The following MYH13 variants were observed in gnomAD, a reference collection of about 807,000 sequenced individuals.
MYH13 encodes myosin heavy chain 13.
Under a neutral mutation model 232.1 loss-of-function variants are expected in MYH13, and 177 were observed. The observed-to-expected ratio is 0.76, with a 90% CI of 0.67 to 0.86. MYH13 has a LOEUF of 0.86. Ranked by LOEUF, MYH13 falls within the 40% of genes least tolerant of loss-of-function variation. MYH13 has a pLI of 0.00. For synonymous variants in MYH13, 884 were observed against 923.5 expected (o/e 0.96, Z 0.78); for missense variants, 2,246 against 2,405.9 (o/e 0.93, Z 1.39).
chr17:10,315,521 C>T (rs1465839192), intron 29 of MYH13, among the ~76,000 whole-genome samples, 172 bp downstream of exon 29: 3 of 152,160 alleles, frequency 2.0e-5, no homozygotes, highest in Non-Finnish European at 4.4e-5. Context: ...GTCTTGAACT[C>T]CTGATCTCGT....
chr17:10,339,619 G>A (rs1194876120), intron 18 of MYH13, among the ~76,000 whole-genome samples: 3 of 152,146 alleles, frequency 2.0e-5, no homozygotes, highest in Non-Finnish European at 4.4e-5. Context: ...GAAAGCTGTG[G>A]CTCTGATGTG....
chr17:10,323,832 G>GAAGA, intron 23 of MYH13, among the ~76,000 whole-genome samples, 190 bp downstream of exon 23: 1 of 141,310 alleles, frequency 7.1e-6, no homozygotes, highest in South Asian at 2.4e-4. Context: ...AGAAGAAGAA[G>GAAGA]AGTCTATGGG....
chr17:10,361,465 T>G (rs1391790602), intron 5 of MYH13, among the ~76,000 whole-genome samples: 1 of 152,092 alleles, frequency 6.6e-6, no homozygotes, highest in Non-Finnish European at 1.5e-5. Context: ...CTAATTTTTT[T>G]GTATTTTTAC....
In MYH13 at chr17:10,354,975, C is replaced by G. The variant is rs746169067; in HGVS notation, c.821G>C (p.Arg274Thr). The G allele has an allele frequency of 1.9e-6, 3 of 1,610,086 alleles. No homozygotes were observed. The highest frequency in any genetic ancestry group is 2.6e-6 in the Non-Finnish European group (3 of 1,176,392). ...CTCACTGGATAATTGAAACGTCACT[C>G]TGGATTTTTCTAACAGATCTAAGGT... ...DIETYLLEKS[R>T]VTFQLSSERS... The change falls in exon 10 of 41, where the codon AGA becomes ACA. Residue 274 changes from arginine to threonine, a missense_variant. Arg to Thr is a moderately conservative substitution (Grantham distance 71, BLOSUM62 -1). Transcript: ENST00000252172.
At position 10,351,430 on chromosome 17, in the gene MYH13, T is replaced by C. The variant is rs1597387149; in HGVS notation, c.1006-736A>G. On this transcript the variant is annotated intron_variant, in intron 11 of 40. Coordinates refer to ENST00000252172, the MANE Select transcript of MYH13 (RefSeq NM_003802.3). ...AGCATTGTTCAGACTCAAGACAATA[T>C]GCATTATGGAATATTAGATCTGGAA... Among the ~76,000 whole-genome samples, 3 of 152,218 alleles carry C rather than the reference T, an allele frequency of 2.0e-5. No homozygotes were observed. In the East Asian group the frequency reaches 5.8e-4, roughly 29 times the overall value.
At chr17:10,359,858 G>A in intron 7 of MYH13, 102 bp downstream of exon 7, 2 of 1,021,374 alleles carry the variant, frequency 2.0e-6, no homozygotes, top group Non-Finnish European at 3.0e-6. Flanking sequence ...TTTCCTATTT[G>A]CCGTTTCTAC....
In MYH13 at chr17:10,335,114, A is replaced by T. The variant is rs552114650; in HGVS notation, c.2057-1923T>A. On this transcript the variant is annotated intron_variant, in intron 18 of 40. Transcript: ENST00000252172. ...GTAGGTTGAGCATCCCGATTCAGAAAACTCAAAACCTGAAAACTTTTGAGC... is the reference window on the plus strand; with the variant it reads ...GTAGGTTGAGCATCCCGATTCAGAATACTCAAAACCTGAAAACTTTTGAGC... Among the ~76,000 whole-genome samples the T allele has an allele frequency of 5.3e-4, 80 of 152,320 alleles. 1 individual carries two copies. In the South Asian group the frequency reaches 0.016, roughly 30 times the overall value.
rs755306372 is a variant in MYH13, at chr17:10,333,155, C to T, written c.2093G>A (p.Arg698His). ...GATGCCCTCGAGGACCCCGTTACAG[C>T]GCAGCTGGTGCATGACCAAGTAGTG... ...MDHYLVMHQL[R>H]CNGVLEGIRI... is the part of the protein sequence containing the mutation. The change falls in exon 19 of 41, where the codon CGC (arginine) becomes CAC (histidine). Residue 698 changes from arginine (R) to histidine (H), a missense_variant. Arg to His is a conservative substitution (Grantham distance 29). Coordinates refer to ENST00000252172, the MANE Select transcript of MYH13 (RefSeq NM_003802.3). 1.9e-5 allele frequency: 30 copies of T among 1,551,606 alleles called. No homozygotes were observed. The highest frequency in any genetic ancestry group is 2.7e-5 in the African/African-American group (2 of 73,064).
chr17:10,301,490 C>T, intron 40 of MYH13, 79 bp downstream of exon 40: 3 of 1,582,892 alleles, frequency 1.9e-6, no homozygotes, highest in Non-Finnish European at 2.6e-6. Flanking sequence ...CTCCCACACT[C>T]AGGCATTCGC....
chr17:10,354,543 C>A, intron 11 of MYH13, 137 bp downstream of exon 11: 2 of 773,460 alleles, frequency 2.6e-6, no homozygotes, highest in South Asian at 3.7e-5. Context: ...ATTCTCTGAG[C>A]TCTTGATCTC....
chr17:10,304,680 C>T lies in MYH13; in HGVS notation c.5467-1182G>A, dbSNP rs1235516330. 6.6e-6 allele frequency among the ~76,000 whole-genome samples: 1 copy of T among 152,244 alleles called. No homozygotes were observed. The highest frequency in any genetic ancestry group is 1.5e-5 in the Non-Finnish European group (1 of 68,040). ...AGTCGCCACCACTGAGCATGAGTTTCTGTATATTTAGGATGGAGATAATAT... is the reference window on the plus strand; with the variant it reads ...AGTCGCCACCACTGAGCATGAGTTTTTGTATATTTAGGATGGAGATAATAT... On this transcript the variant is annotated intron_variant, in intron 37 of 40. Coordinates refer to ENST00000252172, the MANE Select transcript of MYH13 (RefSeq NM_003802.3). This position sits in a 1 kb window ranked among gnomAD's most constrained non-coding sequence, Gnocchi z 5.3.
chr17:10,354,477 T>G (rs2071733229), intron 11 of MYH13, among the ~76,000 whole-genome samples: 1 of 152,196 alleles, frequency 6.6e-6, no homozygotes, highest in African/African-American at 2.4e-5. Flanking sequence ...CCTTCTGGAT[T>G]TCCATTTTGG....
chr17:10,367,145 G>A (rs1033484965), intron 2 of MYH13, among the ~76,000 whole-genome samples: 91 of 152,272 alleles, frequency 6.0e-4, no homozygotes, highest in Non-Finnish European at 1.1e-3. Context: ...GGTGGATTTC[G>A]CTACAGCAGC....
In MYH13 at chr17:10,340,375, C is replaced by T. The variant is rs368993670; in HGVS notation, c.1921G>A (p.Gly641Arg). 1.2e-5 allele frequency: 19 copies of T among 1,613,706 alleles called. No individual in the cohort carries two copies. Among genetic ancestry groups the T allele is most frequent in the African/African-American group, 4.0e-5 (3 of 74,878 alleles). Residue 641 changes from glycine to arginine, a missense_variant, in exon 17 of 41, where the codon GGG (glycine) becomes AGG (arginine). Coordinates refer to ENST00000252172, the MANE Select transcript of MYH13 (RefSeq NM_003802.3). The stretch of plus-strand genomic sequence containing the variant: ...TGGAAAGAGGAGCCCTTCTTCTTCC[C>T]GCCCTTCTTGCTTCCTCCGGAGTCG... The part of the protein sequence containing the change: ...TGDSGGSKKG[G>R]KKKGSSFQTV...
intron 27 of MYH13, 84 bp from the exon 28 acceptor site, chr17:10,316,109 T>A: frequency 6.8e-7 from 1 of 1,470,548 alleles, no homozygotes; most frequent in Non-Finnish European, 9.2e-7. Context: ...AATCATTTAG[T>A]TTCTTGTCAG....
chr17:10,345,354 G>A lies in MYH13; in HGVS notation c.1432C>T (p.Leu478=), dbSNP rs1411072716. 6.2e-7 allele frequency: 1 copy of A among 1,614,242 alleles called. No individual in the cohort carries two copies. The part of the protein sequence containing the change: ...EIFDFNSLEQ[L]CINFTNEKLQ... ...TTCTCATTGGTGAAGTTGATGCACA[G>A]CTGCTCCAGGCTGTTGAACTGGGTG... The change falls in exon 15 of 41, where the codon CTG becomes TTG. Residue 478 remains leucine (L), a synonymous_variant. Coordinates refer to ENST00000252172, the MANE Select transcript of MYH13 (RefSeq NM_003802.3).
chr17:10,327,676 G>A (rs553414175), intron 22 of MYH13, among the ~76,000 whole-genome samples, 190 bp downstream of exon 22: 9 of 152,110 alleles, frequency 5.9e-5, no homozygotes, highest in East Asian at 3.9e-4. Flanking sequence ...CATAATTTCC[G>A]GCATTCACTG....
chr17:10,336,066 C>T lies in MYH13; in HGVS notation c.2057-2875G>A, dbSNP rs557001883. ...CCCGCAGAGGCATCCTATGGGGTGG[C>T]GGGGCACTGGGGGAGACTGAGGCCC... On this transcript the variant is annotated intron_variant, in intron 18 of 40. Coordinates refer to ENST00000252172, the MANE Select transcript of MYH13 (RefSeq NM_003802.3). 4.6e-5 allele frequency among the ~76,000 whole-genome samples: 7 copies of T among 152,128 alleles called. No individual in the cohort carries two copies. In the East Asian group the frequency reaches 1.2e-3, roughly 25 times the overall value.
At chr17:10,331,075 G>A (rs1597380975) in intron 20 of MYH13, among the ~76,000 whole-genome samples, 2 of 151,892 alleles carry the variant, frequency 1.3e-5, no homozygotes, top group African/African-American at 4.8e-5. Context: ...TGTGTTCCAG[G>A]CCCCACCAAC....
Sources: allele counts gnomAD v4.1 joint callset (sites outside exome capture counted in the v4.1 genomes callset), GRCh38; gene constraint gnomAD v4.1.1; non-coding constraint Gnocchi (gnomAD v3.1); transcripts MANE v1.5; gene names NCBI Gene and HGNC (gene_info 2026-07-23, HGNC 2026-07-21).